TOX2: variants seen among roughly 807,000 people sequenced by gnomAD.
TOX2 encodes the protein granulosa cell HMG box 1.
TOX2 carries 15 observed loss-of-function variants against 47.4 expected under a neutral mutation model. The observed-to-expected ratio is 0.32, with a 90% CI of 0.21 to 0.49. The LOEUF (loss-of-function observed/expected upper bound fraction) is 0.49. Ranked by LOEUF, TOX2 falls within the 20% of genes least tolerant of loss-of-function variation. The probability of loss-of-function intolerance (pLI) is 0.99; values close to 1 mark genes in which losing one functional copy is unlikely to be tolerated. For missense variants in TOX2, 622 were observed against 673.1 expected (o/e 0.92, Z 0.84); for synonymous variants, 290 against 296.6 (o/e 0.98, Z 0.23).
intron 2 of TOX2, among the ~76,000 whole-genome samples, chr20:43,980,220 A>G (rs1225217790): frequency 6.6e-6 from 1 of 152,224 alleles, no homozygotes; most frequent in Non-Finnish European, 1.5e-5. Flanking sequence ...TCCATTTGCA[A>G]CAACATGGAT....
At chr20:43,960,741 T>C (rs1365354555) in intron 1 of TOX2, among the ~76,000 whole-genome samples, 3 of 152,346 alleles carry the variant, frequency 2.0e-5, no homozygotes, top group Middle Eastern at 3.4e-3. Flanking sequence ...AGGAGTGGCC[T>C]TGGGTTCTCT....
intron 2 of TOX2, among the ~76,000 whole-genome samples, chr20:43,990,425 G>C (rs180820588): frequency 1.3e-5 from 2 of 152,240 alleles, no homozygotes; most frequent in Admixed American, 1.3e-4. Flanking sequence ...CAGGAGCACG[G>C]GGTCCAGGCT....
chr20:44,042,813 T>C (rs2071354066), intron 3 of TOX2, among the ~76,000 whole-genome samples: 2 of 152,200 alleles, frequency 1.3e-5, no homozygotes, highest in Non-Finnish European at 2.9e-5. Flanking sequence ...TAGCCTGGCC[T>C]GACTTATTTA....
At chr20:43,993,753 A>C (rs1204512073) in intron 2 of TOX2, among the ~76,000 whole-genome samples, 1 of 152,262 alleles carries the variant, frequency 6.6e-6, no homozygotes, top group Non-Finnish European at 1.5e-5. Flanking sequence ...TATGACTCAC[A>C]AAGCCAAAAA....
chr20:43,972,292 C>A (rs1436449672), intron 1 of TOX2, among the ~76,000 whole-genome samples: 3 of 152,222 alleles, frequency 2.0e-5, no homozygotes, highest in African/African-American at 4.8e-5. Context: ...TTGGTACTAA[C>A]TCTGCATACA....
chr20:43,957,572 T>TG (rs2069689464), intron 1 of TOX2, among the ~76,000 whole-genome samples: 3 of 150,846 alleles, frequency 2.0e-5, no homozygotes, highest in Admixed American at 2.0e-4. Flanking sequence ...GCCCTCTTTT[T>TG]TTTTTTTTTT....
chr20:44,021,203 G>C (rs2070970135), intron 3 of TOX2, among the ~76,000 whole-genome samples: 1 of 152,130 alleles, frequency 6.6e-6, no homozygotes, highest in South Asian at 2.1e-4. Context: ...CACTGCTTAT[G>C]GGGGAGAGGG....
chr20:44,006,963 G>A (rs1408838711), intron 3 of TOX2, among the ~76,000 whole-genome samples, 171 bp downstream of exon 3: 1 of 152,162 alleles, frequency 6.6e-6, no homozygotes. Context: ...CTGGTAGCAT[G>A]GGAGTCTGTG....
intron 1 of TOX2, among the ~76,000 whole-genome samples, chr20:43,952,011 C>T (rs2069583305): frequency 6.6e-6 from 1 of 151,864 alleles, no homozygotes; most frequent in African/African-American, 2.4e-5. Flanking sequence ...ATTCTCCTGT[C>T]TCGCCCTCCC....
rs1210736554 is a variant in TOX2 at position 43,914,999 on chromosome 20, G to GGGCGGGCGGGGGTCCCC, written c.99+21_99+37dup. 1 of 1,239,928 alleles carries GGGCGGGCGGGGGTCCCC rather than the reference G, an allele frequency of 8.1e-7. No homozygotes were observed. The highest frequency in any genetic ancestry group is 4.4e-5 in the Admixed American group (1 of 22,804). The allele number at this position is 1,239,928 out of a possible 1,614,324, so 76.8% of individuals were successfully genotyped here. On this transcript the variant is annotated intron_variant, in intron 1 of 8. Coordinates refer to ENST00000341197, the MANE Select transcript of TOX2 (RefSeq NM_001098797.2). This position sits in a 1 kb window ranked among gnomAD's most constrained non-coding sequence, Gnocchi z 4.5. ...ATTACCACGGCGGCAAGGTAGGCGG[G>GGGCGGGCGGGGGTCCCC]GGCGGGCGGGGGTCCCCGGCGGGCG...
intron 4 of TOX2, 107 bp from the exon 5 acceptor site, chr20:44,054,192 G>A (rs948594173): frequency 1.7e-6 from 2 of 1,191,916 alleles, no homozygotes; most frequent in Non-Finnish European, 2.4e-6. Context: ...GGTTATCTGT[G>A]CATGAGCAGG....
At chr20:43,954,334 C>G (rs987797040) in intron 1 of TOX2, among the ~76,000 whole-genome samples, 2 of 152,234 alleles carry the variant, frequency 1.3e-5, no homozygotes, top group African/African-American at 4.8e-5. Flanking sequence ...CAGAGAGACC[C>G]TGTCTCCACA....
chr20:43,922,971 A>G (rs964733158), intron 1 of TOX2, among the ~76,000 whole-genome samples: 2 of 152,232 alleles, frequency 1.3e-5, no homozygotes, highest in African/African-American at 4.8e-5. Context: ...TAATAATTAA[A>G]TATAAAATTG....
intron 3 of TOX2, among the ~76,000 whole-genome samples, chr20:44,014,989 G>A (rs946995955): frequency 2.6e-5 from 4 of 152,122 alleles, no homozygotes; most frequent in East Asian, 3.9e-4. Context: ...GGCCCAAGAC[G>A]CAATGCTTCT....
intron 2 of TOX2, among the ~76,000 whole-genome samples, chr20:43,982,566 C>A (rs1328972393): frequency 2.0e-5 from 3 of 151,926 alleles, no homozygotes; most frequent in Non-Finnish European, 4.4e-5. Flanking sequence ...TGGAAGTGAG[C>A]AGGCCATGGC....
intron 1 of TOX2, among the ~76,000 whole-genome samples, chr20:43,953,460 C>A (rs909761760): frequency 6.6e-6 from 1 of 152,168 alleles, no homozygotes; most frequent in Non-Finnish European, 1.5e-5. Flanking sequence ...TCCTTCCACT[C>A]CCAACCCGCA....
chr20:43,995,405 G>A (rs2070455690), intron 2 of TOX2, among the ~76,000 whole-genome samples: 1 of 152,220 alleles, frequency 6.6e-6, no homozygotes, highest in African/African-American at 2.4e-5. Context: ...AGTGCTAGGA[G>A]CTCAGCTCCA....
At chr20:43,948,143 A>G (rs1206184715) in intron 1 of TOX2, among the ~76,000 whole-genome samples, 1 of 152,148 alleles carries the variant, frequency 6.6e-6, no homozygotes, top group Admixed American at 6.5e-5. Context: ...CTGGGGAGGG[A>G]AGAGGCCCTG....
At chr20:44,064,411 T>C (rs2071773322) in intron 5 of TOX2, among the ~76,000 whole-genome samples, 1 of 152,232 alleles carries the variant, frequency 6.6e-6, no homozygotes, top group African/African-American at 2.4e-5. Flanking sequence ...ACAAGTAGGT[T>C]CATTCTAGGT....
Sources: gnomAD v4.1 joint callset for allele counts (sites outside exome capture counted in the v4.1 genomes callset) on GRCh38, gnomAD v4.1.1 for gene constraint, Gnocchi (gnomAD v3.1) non-coding constraint, MANE v1.5 for transcripts, NCBI Gene and HGNC (gene_info 2026-07-23, HGNC 2026-07-21) for gene names.